The following ECHDC1 variants were observed in gnomAD, a reference collection of about 807,000 sequenced individuals.
The protein encoded by ECHDC1 is ethylmalonyl-CoA decarboxylase 1.
In ECHDC1, 29 loss-of-function variants were observed where a neutral mutation model predicts 29.7. The ratio of observed to expected loss-of-function variants is 0.98; its 90% CI spans 0.73 to 1.33. The LOEUF is 1.33. Among genes scored for constraint, ECHDC1 ranks in the 40% most tolerant of loss-of-function variants. ECHDC1 has a pLI of 0.00. For missense variants in ECHDC1, 328 were observed against 350.0 expected, an observed-to-expected ratio of 0.94 and a Z score of 0.50; for synonymous variants, 126 against 123.1, an observed-to-expected ratio of 1.02 and a Z score of -0.15.
At chr6:127,322,011 C>CA (rs1363489959) in intron 3 of ECHDC1, among the ~76,000 whole-genome samples, 1 of 150,930 alleles carries the variant, frequency 6.6e-6, no homozygotes, top group Non-Finnish European at 1.5e-5. Flanking sequence ...TCAAAATAAA[C>CA]AAACAAAAAA....
At position 127,289,751 on chromosome 6, in the gene ECHDC1, G is replaced by A. The variant is rs184134442; in HGVS notation, c.*118C>T. ...CAGATATTCAAATGATTAAAAGTAA[G>A]TCTGCATATTAATAGTAGCCTTCAA... On this transcript the variant is annotated 3_prime_UTR_variant, in exon 6 of 6. Transcript: ENST00000454859. The A allele has an allele frequency of 2.0e-4, 205 of 1,022,682 alleles. No homozygotes were observed. The African/African-American group carries it at 3.0e-3, about 15-fold the overall frequency. The allele number at this position is 1,022,682 out of a possible 1,614,324, so 63.4% of individuals were successfully genotyped here. A position where few individuals can be genotyped will look rare whatever the true frequency, so the allele number is the denominator to read the frequency against.
At chr6:127,300,963 T>A (rs753183365) in intron 5 of ECHDC1, among the ~76,000 whole-genome samples, 23 of 147,328 alleles carry the variant, frequency 1.6e-4, no homozygotes, top group Non-Finnish European at 2.5e-4. Flanking sequence ...ATCTTTAATT[T>A]GTCAAGGTGG....
At chr6:127,336,900 C>T (rs922962339) in intron 1 of ECHDC1, among the ~76,000 whole-genome samples, 1 of 152,088 alleles carries the variant, frequency 6.6e-6, no homozygotes, top group African/African-American at 2.4e-5. Flanking sequence ...GCAACTTAAA[C>T]TAAAAATTTC....
intron 5 of ECHDC1, among the ~76,000 whole-genome samples, chr6:127,297,785 TAC>T (rs894669858): frequency 2.2e-4 from 33 of 152,262 alleles, no homozygotes; most frequent in African/African-American, 7.9e-4. Context: ...CACAAATAGC[TAC>T]AGAGATGAGG....
At chr6:127,311,598 T>G (rs535851892) in intron 5 of ECHDC1, among the ~76,000 whole-genome samples, 1 of 134,152 alleles carries the variant, frequency 7.5e-6, no homozygotes, top group East Asian at 2.2e-4. Flanking sequence ...TGCTTGAACC[T>G]GGGAGGTGGA....
chr6:127,340,196 G>T (rs1391636835), intron 1 of ECHDC1, among the ~76,000 whole-genome samples: 1 of 152,138 alleles, frequency 6.6e-6, no homozygotes, highest in Non-Finnish European at 1.5e-5. Context: ...TTAACTATTT[G>T]AACAGATTTT....
chr6:127,320,459 T>G (rs144311712), intron 3 of ECHDC1, among the ~76,000 whole-genome samples: 2 of 152,222 alleles, frequency 1.3e-5, no homozygotes, highest in Admixed American at 1.3e-4. Context: ...ACAAGGAAAG[T>G]TAAGGGACAA....
intron 3 of ECHDC1, among the ~76,000 whole-genome samples, chr6:127,321,733 T>G (rs1459804737): frequency 6.6e-6 from 1 of 152,228 alleles, no homozygotes; most frequent in African/African-American, 2.4e-5. Context: ...CCAGGTGCAG[T>G]GGCTCACGCC....
intron 1 of ECHDC1, among the ~76,000 whole-genome samples, chr6:127,339,930 C>T (rs1354366320): frequency 6.6e-6 from 1 of 152,164 alleles, no homozygotes; most frequent in Non-Finnish European, 1.5e-5. Flanking sequence ...GTCAGCTTGC[C>T]AAAGAGCCAC....
intron 4 of ECHDC1, 59 bp from the exon 5 acceptor site, chr6:127,314,955 T>C: frequency 2.0e-6 from 3 of 1,503,394 alleles, no homozygotes; most frequent in Non-Finnish European, 9.2e-7. Context: ...CATTTACAAA[T>C]GTTATTTTTT....
At chr6:127,322,069 G>T (rs1782871587) in intron 3 of ECHDC1, among the ~76,000 whole-genome samples, 1 of 152,112 alleles carries the variant, frequency 6.6e-6, no homozygotes, top group African/African-American at 2.4e-5. Context: ...ACTTTGGGAA[G>T]CCGAGGAGGG....
At position 127,329,175 on chromosome 6, in the gene ECHDC1, C is replaced by A. The variant is rs562019115; in HGVS notation, c.220+1634G>T. ...GCCATGAGAATAAGAAAAATCCATA[C>A]CAGTAGTTACTGTTAAACTAATCTT... On this transcript the variant is annotated intron_variant, in intron 2 of 5. Coordinates refer to ENST00000454859, the MANE Select transcript of ECHDC1 (RefSeq NM_001002030.2). 2.0e-5 allele frequency among the ~76,000 whole-genome samples: 3 copies of A among 151,936 alleles called. No homozygotes were observed. The South Asian group carries it at 6.2e-4, about 32-fold the overall frequency.
chr6:127,338,902 C>G (rs189067371), intron 1 of ECHDC1, among the ~76,000 whole-genome samples: 17 of 152,272 alleles, frequency 1.1e-4, no homozygotes, highest in African/African-American at 3.6e-4. Context: ...TGTTCTATTT[C>G]TTAACCTAGA....
chr6:127,313,047 G>C (rs1782071942), intron 5 of ECHDC1: 1 of 152,118 alleles, frequency 6.6e-6, no homozygotes, highest in South Asian at 2.1e-4. Flanking sequence ...ACTGGGAAGA[G>C]GCATATGAAA....
chr6:127,333,383 A>G (rs1175590088), intron 1 of ECHDC1, among the ~76,000 whole-genome samples: 2 of 152,120 alleles, frequency 1.3e-5, no homozygotes, highest in Non-Finnish European at 2.9e-5. Context: ...ATATAAATAT[A>G]CCACAATTTA....
At chr6:127,315,475 T>C in intron 4 of ECHDC1, 1 of 235,276 alleles carries the variant, frequency 4.3e-6, no homozygotes, top group Non-Finnish European at 8.5e-6. Flanking sequence ...CTTTTACCTT[T>C]CCTGTTTGCA....
intron 5 of ECHDC1, among the ~76,000 whole-genome samples, chr6:127,290,611 G>A (rs1780081747): frequency 6.6e-6 from 1 of 151,992 alleles, no homozygotes; most frequent in Non-Finnish European, 1.5e-5. Flanking sequence ...GGAAATGTTA[G>A]GTGCATACTA....
chr6:127,308,057 C>G (rs1340795684), intron 5 of ECHDC1, among the ~76,000 whole-genome samples: 1 of 152,054 alleles, frequency 6.6e-6, no homozygotes, highest in Non-Finnish European at 1.5e-5. Context: ...TAAATTCTGC[C>G]AAACATTTAA....
At chr6:127,317,287 A>G (rs1179382791) in intron 3 of ECHDC1, among the ~76,000 whole-genome samples, 1 of 152,028 alleles carries the variant, frequency 6.6e-6, no homozygotes, top group African/African-American at 2.4e-5. Flanking sequence ...AAATCCATGC[A>G]GTTTCAAAAT....
Sources: allele counts gnomAD v4.1 joint callset (sites outside exome capture counted in the v4.1 genomes callset), GRCh38; gene constraint gnomAD v4.1.1; transcripts MANE v1.5; gene names NCBI Gene and HGNC (gene_info 2026-07-23, HGNC 2026-07-21).